The following IKBKB-DT variants were observed in gnomAD, a reference collection of about 807,000 sequenced individuals.
IKBKB-DT encodes the protein IKBKB divergent transcript, also known as IKBKB antisense RNA.
At chr8:42,252,466 C>T (rs78452005) in intron 3 of IKBKB-DT, among the ~76,000 whole-genome samples, 3,553 of 152,258 alleles carry the variant, frequency 0.023, 146 homozygotes, top group African/African-American at 0.081. Context: ...TCAGGTATTA[C>T]CCCAGATGAG....
At chr8:42,260,521 T>C (rs550688028) in intron 3 of IKBKB-DT, among the ~76,000 whole-genome samples, 16 of 151,710 alleles carry the variant, frequency 1.1e-4, no homozygotes, top group Non-Finnish European at 2.4e-4. Context: ...AATACAAAAA[T>C]TAGCCTAGCT....
chr8:42,266,078 C>T (rs78874948), exon 2 of IKBKB-DT: 4,055 of 152,390 alleles, frequency 0.027, 86 homozygotes, highest in Non-Finnish European at 0.042. Context: ...TCACATCCTC[C>T]GACTTTCTAA....
At chr8:42,240,624 C>CAAAAAAAAAAA (rs1208809199) in intron 3 of IKBKB-DT, among the ~76,000 whole-genome samples, 3 of 26,406 alleles carry the variant, frequency 1.1e-4, no homozygotes, top group African/African-American at 1.8e-4. Flanking sequence ...GACTCAGTCT[C>CAAAAAAAAAAA]AAAAAAAAAA....
At chr8:42,262,352 G>A (rs376425216) in intron 3 of IKBKB-DT, among the ~76,000 whole-genome samples, 14 of 151,030 alleles carry the variant, frequency 9.3e-5, no homozygotes, top group African/African-American at 2.9e-4. Flanking sequence ...GAAATAGAAG[G>A]CACAAAAGAG....
chr8:42,238,203 C>T (rs778689673), intron 3 of IKBKB-DT, among the ~76,000 whole-genome samples: 1 of 151,894 alleles, frequency 6.6e-6, no homozygotes, highest in Non-Finnish European at 1.5e-5. Context: ...AGTAATGAGT[C>T]CCTACCCTTG....
At chr8:42,245,804 C>T (rs7829991) in intron 3 of IKBKB-DT, among the ~76,000 whole-genome samples, 20,529 of 152,134 alleles carry the variant, frequency 0.13, 3,100 homozygotes, top group African/African-American at 0.37. Context: ...TGCTTACTTT[C>T]TGAAGCAGCC....
chr8:42,268,526 C>T (rs1807407694), intron 1 of IKBKB-DT, among the ~76,000 whole-genome samples: 1 of 152,032 alleles, frequency 6.6e-6, no homozygotes, highest in African/African-American at 2.4e-5. Context: ...CTGCCTCGGC[C>T]TTCCAAAGTG....
At chr8:42,257,886 C>T (rs117246048) in intron 3 of IKBKB-DT, among the ~76,000 whole-genome samples, 3,254 of 151,468 alleles carry the variant, frequency 0.021, 61 homozygotes, top group Non-Finnish European at 0.034. Context: ...TTAACCAAAG[C>T]GCTGGAAGAT....
intron 2 of IKBKB-DT, chr8:42,263,575 T>C (rs1042844763): frequency 1.3e-5 from 2 of 152,216 alleles, no homozygotes; most frequent in Non-Finnish European, 2.9e-5. Context: ...GAGTAAAATC[T>C]AGAGGGGTGG....
chr8:42,257,175 C>T (rs746542061), intron 3 of IKBKB-DT, among the ~76,000 whole-genome samples: 1 of 152,064 alleles, frequency 6.6e-6, no homozygotes, highest in Non-Finnish European at 1.5e-5. Flanking sequence ...TGTAATTTAA[C>T]GTACCAAATT....
intron 3 of IKBKB-DT, among the ~76,000 whole-genome samples, chr8:42,247,601 G>T (rs1447030393): frequency 6.6e-6 from 1 of 152,186 alleles, no homozygotes; most frequent in African/African-American, 2.4e-5. Flanking sequence ...ATATGGTTAG[G>T]CTTTGTGTAC....
chr8:42,247,137 A>G (rs976306397), intron 3 of IKBKB-DT, among the ~76,000 whole-genome samples: 1 of 151,830 alleles, frequency 6.6e-6, no homozygotes, highest in African/African-American at 2.4e-5. Flanking sequence ...CGCCACAAAC[A>G]CTCAATGCCT....
At chr8:42,267,005 T>G (rs1387663570) in intron 1 of IKBKB-DT, among the ~76,000 whole-genome samples, 4,450 of 106,588 alleles carry the variant, frequency 0.042, 39 homozygotes, top group African/African-American at 0.11. Flanking sequence ...TTTTTTTTTG[T>G]TTTTTTTTTT....
At chr8:42,241,224 C>CTGTTTT in intron 3 of IKBKB-DT, among the ~76,000 whole-genome samples, 1 of 45,678 alleles carries the variant, frequency 2.2e-5, no homozygotes, top group Non-Finnish European at 4.5e-5. Context: ...ATGTTGGAAT[C>CTGTTTT]TTTTTTTTTT....
chr8:42,254,032 T>C (rs1807162504), intron 3 of IKBKB-DT, among the ~76,000 whole-genome samples: 1 of 152,246 alleles, frequency 6.6e-6, no homozygotes, highest in African/African-American at 2.4e-5. Context: ...AGGGCAAATA[T>C]TTAGGCTAAA....
At chr8:42,247,633 T>C (rs1807079160) in intron 3 of IKBKB-DT, among the ~76,000 whole-genome samples, 1 of 152,078 alleles carries the variant, frequency 6.6e-6, no homozygotes, top group Non-Finnish European at 1.5e-5. Context: ...TCATCTTGAA[T>C]TGTAATCCTC....
intron 3 of IKBKB-DT, among the ~76,000 whole-genome samples, chr8:42,242,663 T>A (rs1170167050): frequency 1.3e-5 from 2 of 152,204 alleles, no homozygotes; most frequent in Non-Finnish European, 2.9e-5. Flanking sequence ...CATCTGCGGC[T>A]GATGCCTACA....
chr8:42,271,096 G>T, exon 1 of IKBKB-DT: 1 of 426,668 alleles, frequency 2.3e-6, no homozygotes, highest in Non-Finnish European at 4.3e-6. Context: ...GGGTGTAACG[G>T]GGGTCATTTC....
chr8:42,234,392 AT>A (rs1806891837), intron 3 of IKBKB-DT, among the ~76,000 whole-genome samples: 2 of 152,246 alleles, frequency 1.3e-5, no homozygotes, highest in Non-Finnish European at 2.9e-5. Flanking sequence ...TAAAATGGTC[AT>A]GATAAAAGAT....
Sources: gnomAD v4.1 joint callset for allele counts (sites outside exome capture counted in the v4.1 genomes callset) on GRCh38, gnomAD v4.1.1 for gene constraint, MANE v1.5 for transcripts, NCBI Gene and HGNC (gene_info 2026-07-23, HGNC 2026-07-21) for gene names.